The following ANXA4 variants were observed in gnomAD, a reference collection of about 807,000 sequenced individuals.
ANXA4 encodes the protein annexin A4.
A neutral mutation model predicts 49.8 loss-of-function variants in ANXA4; 39 were observed. The ratio of observed to expected loss-of-function variants is 0.78; its 90% CI spans 0.61 to 1.02. The LOEUF (loss-of-function observed/expected upper bound fraction) is 1.02, where lower values mean the gene tolerates loss of function less well. ANXA4 is among the 50% of genes least tolerant of loss of function. ANXA4 has a pLI of 0.00. For missense variants in ANXA4, 360 were observed against 410.1 expected, an observed-to-expected ratio of 0.88 and a Z score of 1.05; for synonymous variants, 134 against 152.5, an observed-to-expected ratio of 0.88 and a Z score of 0.89.
chr2:69,664,828 C>T (rs776295571), intron 2 of ANXA4, among the ~76,000 whole-genome samples: 2 of 152,132 alleles, frequency 1.3e-5, no homozygotes, highest in South Asian at 2.1e-4. Flanking sequence ...GTTGGCCAGG[C>T]GCAGTGGCTT....
At chr2:69,724,396 C>T (rs938160188) in intron 3 of ANXA4, among the ~76,000 whole-genome samples, 3 of 152,180 alleles carry the variant, frequency 2.0e-5, no homozygotes, top group African/African-American at 4.8e-5. Context: ...TTTACCAAGT[C>T]GTGCACCCTG....
At chr2:69,755,002 G>T (rs1321569342) in intron 1 of ANXA4, among the ~76,000 whole-genome samples, 1 of 152,158 alleles carries the variant, frequency 6.6e-6, no homozygotes, top group Non-Finnish European at 1.5e-5. Flanking sequence ...TTGAAATTTT[G>T]GTTTCACTTT....
chr2:69,807,756 TG>T, intron 5 of ANXA4, 149 bp from the exon 6 acceptor site: 1 of 637,060 alleles, frequency 1.6e-6, no homozygotes, highest in Non-Finnish European at 2.7e-6. Context: ...GGGTTTCGGG[TG>T]GGACAATAAA....
intron 2 of ANXA4, among the ~76,000 whole-genome samples, chr2:69,695,265 C>T (rs1385096766): frequency 6.6e-6 from 1 of 152,172 alleles, no homozygotes; most frequent in East Asian, 1.9e-4. Context: ...ATTCTCCTCA[C>T]GCTGAGAATC....
At chr2:69,745,396 A>C (rs980802119) in intron 1 of ANXA4, among the ~76,000 whole-genome samples, 1 of 152,196 alleles carries the variant, frequency 6.6e-6, no homozygotes, top group African/African-American at 2.4e-5. Flanking sequence ...TAACTTCTAA[A>C]TCTATAGTTC....
intron 1 of ANXA4, among the ~76,000 whole-genome samples, chr2:69,775,647 G>A (rs573835126): frequency 6.6e-6 from 1 of 152,338 alleles, no homozygotes; most frequent in Admixed American, 6.5e-5. Context: ...CCATGGGAAA[G>A]GGTTACATCA....
chr2:69,696,860 G>T (rs1327060345), intron 2 of ANXA4, among the ~76,000 whole-genome samples: 3 of 152,114 alleles, frequency 2.0e-5, no homozygotes, highest in Non-Finnish European at 2.9e-5. Context: ...TCAACAGCAG[G>T]CTTAAATTAT....
At chr2:69,751,739 C>G (rs1670850884) in intron 1 of ANXA4, among the ~76,000 whole-genome samples, 1 of 152,110 alleles carries the variant, frequency 6.6e-6, no homozygotes, top group Admixed American at 6.5e-5. Context: ...CATCATGACT[C>G]TGGTGGCCCA....
At chr2:69,822,100 C>A (rs1043474722) in intron 12 of ANXA4, among the ~76,000 whole-genome samples, 6 of 152,070 alleles carry the variant, frequency 3.9e-5, no homozygotes, top group African/African-American at 1.4e-4. Context: ...GTGGCTCATG[C>A]CTGTAATCCC....
intron 2 of ANXA4, among the ~76,000 whole-genome samples, chr2:69,708,261 G>C (rs969304377): frequency 6.6e-6 from 1 of 152,126 alleles, no homozygotes; most frequent in Non-Finnish European, 1.5e-5. Context: ...TGATCAATAC[G>C]TGGCATCGAG....
In ANXA4 at chr2:69,656,335, GTATA is replaced by G. The variant is rs1194736472; in HGVS notation, n.766+3059_766+3062del. Among the ~76,000 whole-genome samples the G allele has an allele frequency of 1.0e-3, 93 of 92,068 alleles. 2 individuals carry two copies. The highest frequency in any genetic ancestry group is 6.0e-3 in the African/African-American group (90 of 15,090). The allele number at this position is 92,068 out of a possible 152,430, so 60.4% of individuals were successfully genotyped here. ...TATGTATATATATGTATATATATGTGTATATATATGTGTATATATGTGTATATAT... is the reference window on the plus strand; with the variant it reads ...TATGTATATATATGTATATATATGTGTATATGTGTATATATGTGTATATAT... On this transcript the variant is annotated intron_variant and non_coding_transcript_variant, in intron 2 of 3. Transcript: ENST00000418066.
At chr2:69,659,992 G>A (rs1676650078) in intron 2 of ANXA4, among the ~76,000 whole-genome samples, 1 of 152,156 alleles carries the variant, frequency 6.6e-6, no homozygotes, top group South Asian at 2.1e-4. Flanking sequence ...AACTCTCAAA[G>A]AGTGGCACCC....
intron 3 of ANXA4, among the ~76,000 whole-genome samples, chr2:69,794,960 G>A (rs1166002499): frequency 1.3e-5 from 2 of 152,110 alleles, no homozygotes; most frequent in African/African-American, 2.4e-5. Flanking sequence ...ACTATCAAAG[G>A]AAATGGGCCT....
chr2:69,745,017 G>A (rs909175390), intron 1 of ANXA4, among the ~76,000 whole-genome samples: 1 of 152,126 alleles, frequency 6.6e-6, no homozygotes, highest in East Asian at 1.9e-4. Flanking sequence ...AGGATCCCTT[G>A]AGCCCAGGAG....
chr2:69,687,023 G>A (rs1677814186), intron 2 of ANXA4, among the ~76,000 whole-genome samples: 1 of 152,260 alleles, frequency 6.6e-6, no homozygotes, highest in Non-Finnish European at 1.5e-5. Context: ...TCACGAGTGT[G>A]TGAAACAACG....
intron 1 of ANXA4, among the ~76,000 whole-genome samples, chr2:69,651,619 C>T (rs562937657): frequency 4.6e-5 from 7 of 151,770 alleles, no homozygotes; most frequent in Non-Finnish European, 8.8e-5. Flanking sequence ...TCTCCTGCCT[C>T]GGCCTCCGGA....
At chr2:69,724,497 G>A (rs887731184) in intron 3 of ANXA4, among the ~76,000 whole-genome samples, 2 of 152,184 alleles carry the variant, frequency 1.3e-5, no homozygotes, top group African/African-American at 4.8e-5. Flanking sequence ...TGTGTCCCCA[G>A]CTGTCACCAT....
intron 3 of ANXA4, among the ~76,000 whole-genome samples, chr2:69,734,545 T>C (rs1670191233): frequency 6.6e-6 from 1 of 152,204 alleles, no homozygotes; most frequent in South Asian, 2.1e-4. Flanking sequence ...AAAGAAGTTT[T>C]GCAACCTCCT....
At chr2:69,685,331 A>G (rs1677749650) in intron 2 of ANXA4, among the ~76,000 whole-genome samples, 1 of 151,624 alleles carries the variant, frequency 6.6e-6, no homozygotes, top group South Asian at 2.1e-4. Flanking sequence ...ATATTTTGTT[A>G]TCAGTTAGAC....
Sources: gnomAD v4.1 joint callset for allele counts (sites outside exome capture counted in the v4.1 genomes callset) on GRCh38, gnomAD v4.1.1 for gene constraint, MANE v1.5 for transcripts, NCBI Gene and HGNC (gene_info 2026-07-23, HGNC 2026-07-21) for gene names.